The following NLK variants were observed in gnomAD, a reference collection of about 807,000 sequenced individuals.
NLK encodes the protein nemo like kinase.
In NLK, 11 loss-of-function variants were observed where a neutral mutation model predicts 59.0. The observed-to-expected ratio is 0.19, with a 90% CI of 0.12 to 0.31. The LOEUF (loss-of-function observed/expected upper bound fraction) is 0.31, where lower values mean the gene tolerates loss of function less well. Ranked by LOEUF, NLK falls within the 10% of genes least tolerant of loss-of-function variation. NLK has a pLI of 1.00. For synonymous variants in NLK, 235 were observed against 235.9 expected (o/e 1.00, Z 0.03); for missense variants, 410 against 661.1 (o/e 0.62, Z 4.16).
intron 1 of NLK, among the ~76,000 whole-genome samples, chr17:28,091,078 CATTTT>C (rs1199868887): frequency 1.3e-5 from 2 of 152,000 alleles, no homozygotes; most frequent in African/African-American, 4.8e-5. Flanking sequence ...AATTTTATTT[CATTTT>C]ATTTATTTAC....
intron 1 of NLK, among the ~76,000 whole-genome samples, chr17:28,083,488 G>A (rs1188234814): frequency 6.6e-6 from 1 of 152,150 alleles, no homozygotes; most frequent in African/African-American, 2.4e-5. Context: ...CTGAGCCTTT[G>A]TAGTGAATGC....
intron 1 of NLK, among the ~76,000 whole-genome samples, chr17:28,087,996 G>A (rs1904344544): frequency 6.6e-6 from 1 of 152,110 alleles, no homozygotes; most frequent in Non-Finnish European, 1.5e-5. Context: ...CAGCATCTAG[G>A]GAGTGGTTCC....
chr17:28,053,929 T>G (rs1465008944), intron 1 of NLK, among the ~76,000 whole-genome samples: 3 of 152,220 alleles, frequency 2.0e-5, no homozygotes, highest in Non-Finnish European at 4.4e-5. Context: ...AAGGGTACAA[T>G]TATCAGGTGA....
chr17:28,183,149 C>T (rs1410169118), intron 7 of NLK, among the ~76,000 whole-genome samples: 1 of 152,120 alleles, frequency 6.6e-6, no homozygotes, highest in Non-Finnish European at 1.5e-5. Flanking sequence ...TGAGCCCTGC[C>T]TGGGCAACAT....
In NLK at chr17:28,043,029, T is replaced by C. The variant is rs1274333997; in HGVS notation, c.156T>C (p.His52=). 4 of 1,556,110 alleles carry C rather than the reference T, an allele frequency of 2.6e-6. No individual in the cohort carries two copies. Among genetic ancestry groups the C allele is most frequent in the Non-Finnish European group, 3.5e-6 (4 of 1,149,248 alleles). The change falls in exon 1 of 11, where the codon CAT becomes CAC. Residue 52 remains histidine, a synonymous_variant. Coordinates refer to ENST00000407008, the MANE Select transcript of NLK (RefSeq NM_016231.5). Reference sequence around the variant, plus strand: ...ACCACCACCACCACCCTCAACACCATCTTCATCCGGGGTCGGCTGCCGCTG... The same window carrying C: ...ACCACCACCACCACCCTCAACACCACCTTCATCCGGGGTCGGCTGCCGCTG... ...HLHHHHHPQH[H]LHPGSAAAVH...
At chr17:28,200,836 A>G (rs933791345), downstream of NLK, among the ~76,000 whole-genome samples, 102 of 152,094 alleles carry the variant, frequency 6.7e-4, no homozygotes, top group African/African-American at 2.4e-3. Flanking sequence ...TATAACATGC[A>G]CATCCGTTTT....
At chr17:28,074,909 C>CCAAGCTGGCTCATGATGAAA (rs1910119834) in intron 1 of NLK, among the ~76,000 whole-genome samples, 1 of 152,128 alleles carries the variant, frequency 6.6e-6, no homozygotes, top group Admixed American at 6.5e-5. Flanking sequence ...GAGGTGGACA[C>CCAAGCTGGCTCATGATGAAA]CAAGCTGGCT....
chr17:28,181,147 C>G (rs747281128), intron 7 of NLK, among the ~76,000 whole-genome samples: 1 of 151,892 alleles, frequency 6.6e-6, no homozygotes, highest in African/African-American at 2.4e-5. Flanking sequence ...ACCTGTAATC[C>G]CAGCACTTGG....
At chr17:28,046,155 G>C (rs1909045088) in intron 1 of NLK, among the ~76,000 whole-genome samples, 1 of 152,206 alleles carries the variant, frequency 6.6e-6, no homozygotes, top group Non-Finnish European at 1.5e-5. Flanking sequence ...TAGACAAGGA[G>C]AGATATTTGT....
downstream of NLK, among the ~76,000 whole-genome samples, chr17:28,198,086 ACAGACACC>A (rs1567745203): frequency 6.6e-6 from 1 of 152,208 alleles, no homozygotes; most frequent in Non-Finnish European, 1.5e-5. Context: ...AAACTGGGGT[ACAGACACC>A]CCTAAGGATA....
At chr17:28,087,518 G>A (rs1243471939) in intron 1 of NLK, among the ~76,000 whole-genome samples, 1 of 152,140 alleles carries the variant, frequency 6.6e-6, no homozygotes, top group African/African-American at 2.4e-5. Flanking sequence ...TCGCCAATGG[G>A]AATATTTCAG....
rs768993135 is a variant in NLK at position 28,042,960 on chromosome 17, CCACCAT to C, written c.93_98del (p.His33_His34del). 1,498 of 1,554,790 alleles carry C rather than the reference CCACCAT, an allele frequency of 9.6e-4. 10 individuals carry two copies. Among genetic ancestry groups the C allele is most frequent in the Non-Finnish European group, 5.0e-4 (574 of 1,148,744 alleles). On this transcript the variant is annotated inframe_deletion, in exon 1 of 11. Coordinates refer to ENST00000407008, the MANE Select transcript of NLK (RefSeq NM_016231.5). ...CTGCAGCAGCAGCAGGTCACCACCA[CCACCAT>C]CACCACCACCTTCCACACCTCCCTC...
At chr17:28,178,547 G>T (rs1297844615) in intron 7 of NLK, among the ~76,000 whole-genome samples, 1 of 152,198 alleles carries the variant, frequency 6.6e-6, no homozygotes, top group East Asian at 1.9e-4. Context: ...AAAGTCTATT[G>T]TCAGCTCTTA....
intron 3 of NLK, among the ~76,000 whole-genome samples, chr17:28,160,285 T>C (rs1348946825): frequency 1.3e-5 from 2 of 152,224 alleles, no homozygotes; most frequent in Admixed American, 1.3e-4. Flanking sequence ...CAATTTTTAG[T>C]TGTTTTGTCA....
At chr17:28,164,162 G>T (rs1045750664) in intron 5 of NLK, among the ~76,000 whole-genome samples, 1 of 152,060 alleles carries the variant, frequency 6.6e-6, no homozygotes, top group African/African-American at 2.4e-5. Flanking sequence ...TTGAGCCCAG[G>T]AGTTCAAGAC....
At chr17:28,125,571 A>G (rs1906257621) in intron 2 of NLK, among the ~76,000 whole-genome samples, 2 of 152,196 alleles carry the variant, frequency 1.3e-5, no homozygotes, top group Non-Finnish European at 2.9e-5. Flanking sequence ...AGTGTTTAAA[A>G]GTGAGGCACA....
At chr17:28,141,399 A>G (rs958424858) in intron 3 of NLK, among the ~76,000 whole-genome samples, 3 of 152,198 alleles carry the variant, frequency 2.0e-5, no homozygotes, top group Non-Finnish European at 4.4e-5. Flanking sequence ...CTGAGTAGGT[A>G]AGGACTAGCA....
At chr17:28,177,340 C>A (rs1908724623) in intron 7 of NLK, among the ~76,000 whole-genome samples, 1 of 152,158 alleles carries the variant, frequency 6.6e-6, no homozygotes, top group Non-Finnish European at 1.5e-5. Flanking sequence ...ATTAATGTGT[C>A]AAATTAATGT....
chr17:28,199,468 C>G (rs1909567245), downstream of NLK, among the ~76,000 whole-genome samples: 1 of 151,914 alleles, frequency 6.6e-6, no homozygotes, highest in Non-Finnish European at 1.5e-5. Context: ...GAGTTCGAGA[C>G]CACCCTGGCC....
Sources: gnomAD v4.1 joint callset for allele counts (sites outside exome capture counted in the v4.1 genomes callset) on GRCh38, gnomAD v4.1.1 for gene constraint, MANE v1.5 for transcripts, NCBI Gene and HGNC (gene_info 2026-07-23, HGNC 2026-07-21) for gene names.